Variants in TEX29 observed in about 807,000 individuals in gnomAD.
TEX29 encodes testis expressed 29.
A neutral mutation model predicts 18.2 loss-of-function variants in TEX29; 26 were observed. That is an observed-to-expected ratio of 1.43 (90% confidence interval 1.04 to 1.98). The LOEUF is 1.98. Among genes scored for constraint, TEX29 ranks in the 30% most tolerant of loss-of-function variants. TEX29 has a pLI of 0.00. For missense variants in TEX29, 177 were observed against 194.2 expected, an observed-to-expected ratio of 0.91 and a Z score of 0.53; for synonymous variants, 83 against 78.5, an observed-to-expected ratio of 1.06 and a Z score of -0.31.
rs776204138 is a variant in TEX29, at chr13:111,342,758, T to C, written c.242T>C (p.Val81Ala). The C allele has an allele frequency of 5.0e-6, 8 of 1,613,364 alleles. No homozygotes were observed. The highest frequency in any genetic ancestry group is 6.8e-6 in the Non-Finnish European group (8 of 1,179,696). ...GAFVITIIYR[V>A]IQESRKEKAI... ...TGATAAAACCCTCTTCCCATCAGAG[T>C]CATTCAGGAGAGCAGGAAAGAAAAG... Residue 81 changes from valine to alanine, a missense_variant and splice_region_variant, in exon 5 of 6, where the codon GTC (valine) becomes GCC (alanine). Transcript: ENST00000283547.
upstream of TEX29, among the ~76,000 whole-genome samples, chr13:111,319,859 G>A (rs755397563): frequency 6.6e-6 from 1 of 152,210 alleles, no homozygotes; most frequent in African/African-American, 2.4e-5. Flanking sequence ...TCTTCCTCAT[G>A]AGTATCCCGT....
chr13:111,317,591 T>C (rs945565467), upstream of TEX29, among the ~76,000 whole-genome samples: 2 of 152,226 alleles, frequency 1.3e-5, no homozygotes, highest in African/African-American at 4.8e-5. Flanking sequence ...TTTGGAAGTA[T>C]CTTTGCTCGG....
chr13:111,325,803 A>T (rs1340495622), intron 2 of TEX29, among the ~76,000 whole-genome samples: 1 of 152,236 alleles, frequency 6.6e-6, no homozygotes, highest in Non-Finnish European at 1.5e-5. Context: ...ATGAGAAAGA[A>T]TGTATGAACG....
At chr13:111,328,056 T>G in intron 2 of TEX29, 127 bp from the exon 3 acceptor site, 1 of 618,992 alleles carries the variant, frequency 1.6e-6, no homozygotes, top group East Asian at 2.8e-5. Flanking sequence ...GATGCGTAAT[T>G]GAGAAAATAA....
intron 5 of TEX29, among the ~76,000 whole-genome samples, chr13:111,343,344 T>C (rs745400109): frequency 0.035 from 5,205 of 148,226 alleles, 123 homozygotes; most frequent in Middle Eastern, 0.064. Context: ...CGTGGTGGTC[T>C]TGGTTGTGCA....
intron 3 of TEX29, among the ~76,000 whole-genome samples, chr13:111,336,739 T>A (rs1381648111): frequency 1.3e-5 from 2 of 152,250 alleles, no homozygotes; most frequent in Non-Finnish European, 2.9e-5. Flanking sequence ...ATTGCTGCTG[T>A]TCTGAAAGAT....
intron 3 of TEX29, chr13:111,339,227 C>T (rs2093693700): frequency 2.2e-6 from 1 of 455,242 alleles, no homozygotes; most frequent in African/African-American, 2.0e-5. Context: ...GCAGGAACCC[C>T]TTTTAATACA....
upstream of TEX29, among the ~76,000 whole-genome samples, chr13:111,316,572 T>C (rs1441834448): frequency 6.6e-6 from 1 of 152,044 alleles, no homozygotes; most frequent in African/African-American, 2.4e-5. Flanking sequence ...GGCCAGGGAG[T>C]GTAACGCTGG....
upstream of TEX29, among the ~76,000 whole-genome samples, chr13:111,320,517 G>T (rs2093662129): frequency 6.6e-6 from 1 of 152,172 alleles, no homozygotes; most frequent in Non-Finnish European, 1.5e-5. Flanking sequence ...CGTCCTCAAT[G>T]CAGCCAGTGT....
chr13:111,327,948 G>C (rs1455491216), intron 2 of TEX29, among the ~76,000 whole-genome samples: 3 of 152,238 alleles, frequency 2.0e-5, no homozygotes, highest in Admixed American at 6.5e-5. Context: ...TCTCCTAATC[G>C]TTAGAGGCCC....
chr13:111,325,651 A>G (rs2093671610), intron 2 of TEX29, among the ~76,000 whole-genome samples: 1 of 151,950 alleles, frequency 6.6e-6, no homozygotes, highest in Non-Finnish European at 1.5e-5. Context: ...TGGATTTTTA[A>G]AATGCATGGC....
At position 111,334,920 on chromosome 13, in the gene TEX29, G is replaced by A. The variant is rs993187442; in HGVS notation, c.170-4943G>A. On this transcript the variant is annotated intron_variant, in intron 3 of 5. Coordinates refer to ENST00000283547, the MANE Select transcript of TEX29 (RefSeq NM_152324.3). Reference sequence around the variant, plus strand: ...GGCTGCTGGCTTTACCATGATTACAGGCTGTTGATTTTCAAGCTACCATGG... The same window carrying A: ...GGCTGCTGGCTTTACCATGATTACAAGCTGTTGATTTTCAAGCTACCATGG... Among the ~76,000 whole-genome samples, 11 of 152,304 alleles carry A rather than the reference G, an allele frequency of 7.2e-5. No individual in the cohort carries two copies. In the East Asian group the frequency reaches 2.1e-3, roughly 29 times the overall value.
chr13:111,342,527 T>G (rs1349824457), intron 4 of TEX29, among the ~76,000 whole-genome samples: 1 of 119,910 alleles, frequency 8.3e-6, no homozygotes, highest in Non-Finnish European at 1.6e-5. Flanking sequence ...GCCATTGCAC[T>G]CCAGCCTGGA....
At chr13:111,322,942 C>T (rs1171810579) in intron 2 of TEX29, among the ~76,000 whole-genome samples, 3 of 152,168 alleles carry the variant, frequency 2.0e-5, no homozygotes, top group African/African-American at 7.2e-5. Flanking sequence ...TGGCCCTGGC[C>T]CTGCAGCTCA....
chr13:111,317,735 C>T (rs958953576), upstream of TEX29, among the ~76,000 whole-genome samples: 18 of 152,186 alleles, frequency 1.2e-4, no homozygotes, highest in Non-Finnish European at 1.9e-4. Flanking sequence ...GAAGTCAGGA[C>T]GTGGGCCGAG....
intron 5 of TEX29, among the ~76,000 whole-genome samples, chr13:111,343,679 G>A (rs1595694654): frequency 1.3e-5 from 2 of 152,172 alleles, no homozygotes; most frequent in Admixed American, 6.5e-5. Context: ...GGATACAAAC[G>A]GCCTGGCCTT....
rs1217722545 is a variant in TEX29, at chr13:111,339,748, T to C, written c.170-115T>C. ...GAGGGTGGGTGAGGAGTGCTGACCA[T>C]GGGCAGCCGCGCCGGGAGGGCCCGC... On this transcript the variant is annotated intron_variant, in intron 3 of 5. Coordinates refer to ENST00000283547, the MANE Select transcript of TEX29 (RefSeq NM_152324.3). 6 of 956,526 alleles carry C rather than the reference T, an allele frequency of 6.3e-6. No individual in the cohort carries two copies. In the Admixed American group the frequency reaches 9.0e-5, roughly 14 times the overall value. The allele number at this position is 956,526 out of a possible 1,614,324, so 59.3% of individuals were successfully genotyped here.
chr13:111,317,346 A>G (rs572784888), upstream of TEX29, among the ~76,000 whole-genome samples: 5 of 152,086 alleles, frequency 3.3e-5, no homozygotes, highest in Admixed American at 1.3e-4. Context: ...TTGGGTGTAA[A>G]TGGAATCAGC....
At position 111,342,877 on chromosome 13, in the gene TEX29, C is replaced by T. The variant is rs2093698915; in HGVS notation, c.361C>T (p.Pro121Ser). 6.2e-7 allele frequency: 1 copy of T among 1,614,060 alleles called. No individual in the cohort carries two copies. Among genetic ancestry groups the T allele is most frequent in the South Asian group, 1.1e-5 (1 of 91,078 alleles). ...CAAGTTAGGGCTGAAGCCTGCGAGT[C>T]CTGGGCCTCCAAGTGCTGGGCCCTC... ...SSKLGLKPAS[P>S]GPPSAGPSMK... Residue 121 changes from proline (P) to serine (S), a missense_variant, in exon 5 of 6, where the codon CCT becomes TCT. Coordinates refer to ENST00000283547, the MANE Select transcript of TEX29 (RefSeq NM_152324.3).
Sources: allele counts gnomAD v4.1 joint callset (sites outside exome capture counted in the v4.1 genomes callset), GRCh38; gene constraint gnomAD v4.1.1; transcripts MANE v1.5; gene names NCBI Gene and HGNC (gene_info 2026-07-23, HGNC 2026-07-21).